SMYD3: variants seen among roughly 807,000 people sequenced by gnomAD.
The protein encoded by SMYD3 is histone-lysine N-methyltransferase SMYD3.
In SMYD3, 36 loss-of-function variants were observed where a neutral mutation model predicts 57.7. The observed-to-expected ratio is 0.62, with a 90% confidence interval of 0.48 to 0.82. The LOEUF (loss-of-function observed/expected upper bound fraction) is 0.82, where lower values mean the gene tolerates loss of function less well. Among genes scored for constraint, SMYD3 ranks in the 40% least tolerant of loss-of-function variants. The pLI is 0.00. For synonymous variants in SMYD3, 211 were observed against 195.0 expected, an observed-to-expected ratio of 1.08 and a Z score of -0.68; for missense variants, 515 against 538.8, an observed-to-expected ratio of 0.96 and a Z score of 0.44.
At chr1:246,035,740 T>C (rs1003740699) in intron 5 of SMYD3, 1 of 152,178 alleles carries the variant, frequency 6.6e-6, no homozygotes, top group African/African-American at 2.4e-5. Flanking sequence ...CTCATCCATA[T>C]TCAACTCTTT....
At chr1:246,362,524 T>G (rs1293698585) in intron 1 of SMYD3, among the ~76,000 whole-genome samples, 2 of 152,130 alleles carry the variant, frequency 1.3e-5, no homozygotes, top group African/African-American at 2.4e-5. Context: ...GAAGCTGGAC[T>G]GTACTGCTGC....
chr1:245,775,056 C>T (rs2148112248), intron 10 of SMYD3, among the ~76,000 whole-genome samples: 1 of 152,112 alleles, frequency 6.6e-6, no homozygotes, highest in South Asian at 2.1e-4. Flanking sequence ...TGGCTACAAC[C>T]TCCACCTCCC....
intron 8 of SMYD3, among the ~76,000 whole-genome samples, chr1:245,897,090 A>G (rs1168734529): frequency 6.6e-6 from 1 of 152,262 alleles, no homozygotes; most frequent in Non-Finnish European, 1.5e-5. Context: ...TGAATAATGT[A>G]GTAGCATGCA....
At chr1:246,351,671 A>G (rs550240071) in intron 2 of SMYD3, among the ~76,000 whole-genome samples, 1 of 152,338 alleles carries the variant, frequency 6.6e-6, no homozygotes, top group East Asian at 1.9e-4. Context: ...GCATAAACCA[A>G]TAGTTTGGTG....
chr1:246,495,274 G>A (rs1353984555), intron 1 of SMYD3, among the ~76,000 whole-genome samples: 64 of 150,284 alleles, frequency 4.3e-4, no homozygotes, highest in Non-Finnish European at 1.0e-4. Context: ...GCATGAACCC[G>A]GGAGGCGGAG....
At chr1:246,241,261 G>A (rs1185326824) in intron 5 of SMYD3, among the ~76,000 whole-genome samples, 3 of 152,150 alleles carry the variant, frequency 2.0e-5, no homozygotes, top group South Asian at 2.1e-4. Context: ...TTAGAGATAC[G>A]TCACATCAAT....
intron 1 of SMYD3, chr1:246,425,907 G>GTA (rs1371614664): frequency 2.0e-5 from 3 of 152,108 alleles, no homozygotes; most frequent in African/African-American, 7.2e-5. Flanking sequence ...TTTTCTTCCT[G>GTA]TAAGTTTTGT....
intron 1 of SMYD3, among the ~76,000 whole-genome samples, chr1:246,384,464 C>T (rs1049014010): frequency 2.0e-5 from 3 of 152,008 alleles, no homozygotes; most frequent in South Asian, 2.1e-4. Flanking sequence ...GGTGCCATCT[C>T]GGCTCACTGC....
intron 5 of SMYD3, among the ~76,000 whole-genome samples, chr1:246,053,251 T>C (rs1028890457): frequency 6.6e-6 from 1 of 151,986 alleles, no homozygotes; most frequent in Non-Finnish European, 1.5e-5. Flanking sequence ...AATATTAAGA[T>C]GTCAAATCTC....
chr1:246,061,763 A>G (rs961618726), intron 5 of SMYD3, among the ~76,000 whole-genome samples: 1 of 152,156 alleles, frequency 6.6e-6, no homozygotes, highest in African/African-American at 2.4e-5. Context: ...CTAACAAAAT[A>G]TACACAAAAA....
At chr1:246,259,865 TC>T (rs2063970544) in intron 5 of SMYD3, among the ~76,000 whole-genome samples, 1 of 152,184 alleles carries the variant, frequency 6.6e-6, no homozygotes, top group South Asian at 2.1e-4. Flanking sequence ...AGTATCAAGT[TC>T]TCTGCACAGG....
chr1:246,044,038 T>C (rs1037962668), intron 5 of SMYD3, among the ~76,000 whole-genome samples: 10 of 152,242 alleles, frequency 6.6e-5, no homozygotes, highest in Non-Finnish European at 1.3e-4. Flanking sequence ...CACACCTCAG[T>C]GAGGTTCTTT....
chr1:245,956,580 C>T (rs1168019178), intron 5 of SMYD3, among the ~76,000 whole-genome samples: 1 of 152,194 alleles, frequency 6.6e-6, no homozygotes, highest in East Asian at 1.9e-4. Flanking sequence ...CACAAGAATT[C>T]CTTTCTTCTC....
At position 246,141,770 on chromosome 1, in the gene SMYD3, C is replaced by T. The variant is rs113334566; in HGVS notation, c.531+185431G>A. Among the ~76,000 whole-genome samples, 615 of 152,350 alleles carry T rather than the reference C, an allele frequency of 4.0e-3. 5 individuals are homozygous for T. The highest frequency in any genetic ancestry group is 0.014 in the African/African-American group (591 of 41,574). On this transcript the variant is annotated intron_variant, in intron 5 of 11. Coordinates refer to ENST00000490107, the MANE Select transcript of SMYD3 (RefSeq NM_001167740.2). ...AACATTCAAGATTCCATTTAGTAAA[C>T]ACATCTCCTGGAATACAGCACTAGT...
intron 1 of SMYD3, among the ~76,000 whole-genome samples, chr1:246,406,119 G>A (rs1361319847): frequency 2.6e-5 from 4 of 151,168 alleles, no homozygotes; most frequent in African/African-American, 7.3e-5. Context: ...TAGAGACAGC[G>A]TTTTGCCATG....
intron 5 of SMYD3, among the ~76,000 whole-genome samples, chr1:246,261,351 C>G (rs1433139184): frequency 1.3e-5 from 2 of 149,090 alleles, no homozygotes; most frequent in African/African-American, 2.5e-5. Context: ...GCCACCGCAC[C>G]CAGCTCTCTT....
chr1:245,923,675 T>G (rs973389086), intron 7 of SMYD3, among the ~76,000 whole-genome samples: 2 of 152,156 alleles, frequency 1.3e-5, no homozygotes, highest in African/African-American at 4.8e-5. Context: ...CTGGAAGCAT[T>G]CCTTAACCAC....
At chr1:246,126,432 T>C (rs540345530) in intron 5 of SMYD3, among the ~76,000 whole-genome samples, 1 of 152,356 alleles carries the variant, frequency 6.6e-6, no homozygotes, top group Non-Finnish European at 1.5e-5. Flanking sequence ...CAGACACAAG[T>C]GTTTCTTGCA....
At chr1:246,234,978 G>A (rs2063490060) in intron 5 of SMYD3, among the ~76,000 whole-genome samples, 1 of 152,138 alleles carries the variant, frequency 6.6e-6, no homozygotes, top group Non-Finnish European at 1.5e-5. Flanking sequence ...GTGTGAAAAT[G>A]CACAGATTAC....
Sources: allele counts gnomAD v4.1 joint callset (sites outside exome capture counted in the v4.1 genomes callset), GRCh38; gene constraint gnomAD v4.1.1; transcripts MANE v1.5; gene names NCBI Gene and HGNC (gene_info 2026-07-23, HGNC 2026-07-21).